Variants in NUDT3 observed in about 807,000 individuals in gnomAD.
NUDT3 encodes nudix hydrolase 3.
A neutral mutation model predicts 23.6 loss-of-function variants in NUDT3; 9 were observed. The ratio of observed to expected loss-of-function variants is 0.38; its 90% CI spans 0.23 to 0.66. NUDT3 has a LOEUF of 0.66. Among genes scored for constraint, NUDT3 ranks in the 30% least tolerant of loss-of-function variants. The pLI is 0.52. For missense variants in NUDT3, 172 were observed against 218.5 expected, an observed-to-expected ratio of 0.79 and a Z score of 1.34; for synonymous variants, 86 against 82.6, an observed-to-expected ratio of 1.04 and a Z score of -0.22.
At position 34,288,411 on chromosome 6, in the gene NUDT3, C is replaced by T. The variant is rs542107920; in HGVS notation, c.*342G>A. ...TTAAAAATCAAAGAAAACGTCTGGC[C>T]AGGGCCAGGATAAGACAAACAGGAA... On this transcript the variant is annotated 3_prime_UTR_variant, in exon 5 of 5. Coordinates refer to ENST00000607016, the MANE Select transcript of NUDT3 (RefSeq NM_006703.4). 23 of 210,664 alleles carry T rather than the reference C, an allele frequency of 1.1e-4. No individual in the cohort carries two copies. The East Asian group carries it at 2.4e-3, about 22-fold the overall frequency. The allele number at this position is 210,664 out of a possible 1,614,324, so 13.0% of individuals were successfully genotyped here.
chr6:34,347,872 T>C (rs996178869), intron 1 of NUDT3, among the ~76,000 whole-genome samples: 1 of 151,982 alleles, frequency 6.6e-6, no homozygotes, highest in African/African-American at 2.4e-5. Context: ...CTCATACCTG[T>C]AAACCCAGTA....
At chr6:34,367,780 C>G (rs972168226) in intron 1 of NUDT3, among the ~76,000 whole-genome samples, 1 of 152,186 alleles carries the variant, frequency 6.6e-6, no homozygotes, top group African/African-American at 2.4e-5. Context: ...CTAAGGCAAG[C>G]TCAGAGCATT....
At chr6:34,386,604 T>C (rs745805717) in intron 1 of NUDT3, among the ~76,000 whole-genome samples, 57 of 152,018 alleles carry the variant, frequency 3.7e-4, no homozygotes, top group Non-Finnish European at 7.4e-4. Flanking sequence ...CCTAGAATGA[T>C]AGGTTTGGCT....
At chr6:34,336,034 C>T (rs747324309) in intron 2 of NUDT3, among the ~76,000 whole-genome samples, 19 of 151,896 alleles carry the variant, frequency 1.3e-4, no homozygotes, top group South Asian at 6.2e-4. Flanking sequence ...TTTGGGAGGC[C>T]GAGGCGGGTG....
chr6:34,358,290 CA>C (rs1234450775), intron 1 of NUDT3, among the ~76,000 whole-genome samples: 6 of 151,966 alleles, frequency 3.9e-5, no homozygotes, highest in African/African-American at 9.7e-5. Context: ...CACACACACA[CA>C]CCCCTTATAA....
At chr6:34,321,648 G>A (rs960016538) in intron 2 of NUDT3, among the ~76,000 whole-genome samples, 4 of 151,824 alleles carry the variant, frequency 2.6e-5, no homozygotes, top group Non-Finnish European at 5.9e-5. Context: ...AGGGAAGATC[G>A]ACCACCACTA....
chr6:34,335,473 A>C (rs1158839820), intron 2 of NUDT3, among the ~76,000 whole-genome samples: 1 of 152,036 alleles, frequency 6.6e-6, no homozygotes, highest in African/African-American at 2.4e-5. Context: ...TTATTACCAC[A>C]GAAGTATTTT....
chr6:34,319,833 TCCTG>T (rs1331595656), intron 2 of NUDT3, among the ~76,000 whole-genome samples: 2 of 152,020 alleles, frequency 1.3e-5, no homozygotes, highest in Non-Finnish European at 2.9e-5. Flanking sequence ...AAGATTAGAG[TCCTG>T]CCTTGGGCAG....
At chr6:34,307,614 T>A (rs1763701670) in intron 2 of NUDT3, among the ~76,000 whole-genome samples, 3 of 152,118 alleles carry the variant, frequency 2.0e-5, no homozygotes, top group Non-Finnish European at 2.9e-5. Context: ...CAACTACGTA[T>A]ATTATCTCTT....
intron 2 of NUDT3, among the ~76,000 whole-genome samples, chr6:34,312,184 T>C (rs955430633): frequency 7.2e-5 from 11 of 152,044 alleles, no homozygotes; most frequent in Non-Finnish European, 1.5e-4. Flanking sequence ...GGCGGATCAC[T>C]TGAGGTCAGG....
In NUDT3 at chr6:34,297,759, A is replaced by ATATATAT. The variant is rs60517827; in HGVS notation, c.211-2075_211-2074insATATATA. Among the ~76,000 whole-genome samples, 164 of 70,968 alleles carry ATATATAT rather than the reference A, an allele frequency of 2.3e-3. 1 individual carries two copies. The highest frequency in any genetic ancestry group is 7.7e-3 in the African/African-American group (116 of 15,096). 46.6% of individuals were successfully genotyped at this position (70,968 alleles called of 152,430 possible). ...TATATATATATATATATATATATAT[A>ATATATAT]ATTTTTTTTTTTTTTTTAGTAGAGA... On this transcript the variant is annotated intron_variant, in intron 2 of 4. Transcript: ENST00000607016.
At chr6:34,375,933 T>G (rs531839206) in intron 1 of NUDT3, among the ~76,000 whole-genome samples, 36 of 152,118 alleles carry the variant, frequency 2.4e-4, no homozygotes, top group Middle Eastern at 6.8e-3. Flanking sequence ...GTGCTTCGAG[T>G]GCCATGATGC....
chr6:34,313,126 G>C (rs1418342764), intron 2 of NUDT3, among the ~76,000 whole-genome samples: 1 of 152,108 alleles, frequency 6.6e-6, no homozygotes, highest in East Asian at 1.9e-4. Context: ...AGTGAGCTGA[G>C]ACTGCACCAC....
chr6:34,336,586 TA>T (rs1764212187), intron 2 of NUDT3, among the ~76,000 whole-genome samples: 2 of 152,338 alleles, frequency 1.3e-5, no homozygotes, highest in Non-Finnish European at 2.9e-5. Context: ...CCAATCTGTC[TA>T]AATTTGCTTT....
Position 34,282,236 on chromosome 6 carries a change from G to C in NUDT3, c.*6517C>G, listed in dbSNP as rs1206336549. The C allele has an allele frequency of 2.0e-5, 3 of 152,148 alleles. No individual in the cohort carries two copies. Among genetic ancestry groups the C allele is most frequent in the African/African-American group, 7.2e-5 (3 of 41,406 alleles). The allele number at this position is 152,148 out of a possible 1,614,324, so 9.4% of individuals were successfully genotyped here. On this transcript the variant is annotated 3_prime_UTR_variant, in exon 5 of 5. Coordinates refer to ENST00000607016, the MANE Select transcript of NUDT3 (RefSeq NM_006703.4). ...TTTTTTTTTGGCAAGATAATAAAGA[G>C]GTTAAAGAGGCTACGTGGATCTGTC...
chr6:34,298,449 ACT>A (rs1763548387), intron 2 of NUDT3, among the ~76,000 whole-genome samples: 1 of 152,116 alleles, frequency 6.6e-6, no homozygotes, highest in South Asian at 2.1e-4. Flanking sequence ...TCTGTGATTC[ACT>A]CTGTGTCAGA....
At chr6:34,326,453 G>A (rs911546689) in intron 2 of NUDT3, among the ~76,000 whole-genome samples, 1 of 152,116 alleles carries the variant, frequency 6.6e-6, no homozygotes, top group Non-Finnish European at 1.5e-5. Context: ...ACATACTTTG[G>A]TTGTTTTTCA....
intron 1 of NUDT3, among the ~76,000 whole-genome samples, chr6:34,380,168 C>A (rs1764989942): frequency 6.6e-6 from 1 of 152,096 alleles, no homozygotes; most frequent in African/African-American, 2.4e-5. Context: ...ACTGCAACTT[C>A]CACCTCCCGA....
chr6:34,373,008 G>A (rs557062478), intron 1 of NUDT3, among the ~76,000 whole-genome samples: 8 of 151,524 alleles, frequency 5.3e-5, no homozygotes, highest in South Asian at 2.1e-4. Flanking sequence ...TGCCGGGCGC[G>A]GTGGCTCACA....
Sources: allele counts gnomAD v4.1 joint callset (sites outside exome capture counted in the v4.1 genomes callset), GRCh38; gene constraint gnomAD v4.1.1; transcripts MANE v1.5; gene names NCBI Gene and HGNC (gene_info 2026-07-23, HGNC 2026-07-21).